Variants in PDE8B observed in about 807,000 individuals in gnomAD.
PDE8B encodes high affinity cAMP-specific and IBMX-insensitive 3',5'-cyclic phosphodiesterase 8B.
A neutral mutation model predicts 101.3 loss-of-function variants in PDE8B; 26 were observed. The ratio of observed to expected loss-of-function variants is 0.26; its 90% CI spans 0.19 to 0.36. The LOEUF (loss-of-function observed/expected upper bound fraction) is 0.36. Ranked by LOEUF, PDE8B falls within the 10% of genes least tolerant of loss-of-function variation. The pLI is 1.00. For missense variants in PDE8B, 810 were observed against 1,163.1 expected (o/e 0.70, Z 4.42); for synonymous variants, 424 against 429.3 (o/e 0.99, Z 0.15).
At chr5:77,384,261 T>A (rs1420267868) in intron 10 of PDE8B, among the ~76,000 whole-genome samples, 1 of 152,220 alleles carries the variant, frequency 6.6e-6, no homozygotes, top group Non-Finnish European at 1.5e-5. Flanking sequence ...GAATGGGAGT[T>A]CACTCATGAT....
At position 77,367,533 on chromosome 5, in the gene PDE8B, T is replaced by C. The variant is rs1318001268; in HGVS notation, c.1167+14127T>C. ...GGAGTTCCTTCTCTTTTTCTCTCTTTTTTTTTTTTTTTTTTTTTGACAGAG... is the reference window on the plus strand; with the variant it reads ...GGAGTTCCTTCTCTTTTTCTCTCTTCTTTTTTTTTTTTTTTTTTGACAGAG... On this transcript the variant is annotated intron_variant, in intron 10 of 21. Transcript: ENST00000264917. Among the ~76,000 whole-genome samples the C allele has an allele frequency of 1.6e-3, 89 of 57,384 alleles. 1 individual carries two copies. Among genetic ancestry groups the C allele is most frequent in the African/African-American group, 0.012 (37 of 3,214 alleles). The allele number at this position is 57,384 out of a possible 152,430, so 37.6% of individuals were successfully genotyped here. A position where few individuals can be genotyped will look rare whatever the true frequency, so the allele number is the denominator to read the frequency against.
rs1756700526 is a variant in PDE8B at position 77,245,641 on chromosome 5, TG to T, written c.339+34378del. 2.6e-5 allele frequency among the ~76,000 whole-genome samples: 4 copies of T among 152,304 alleles called. No homozygotes were observed. The South Asian group carries it at 8.3e-4, about 32-fold the overall frequency. On this transcript the variant is annotated intron_variant, in intron 1 of 21. Coordinates refer to ENST00000264917, the MANE Select transcript of PDE8B (RefSeq NM_003719.5). ...CAGCTTGTGTGTGTGTGCACATGTG[TG>T]CATGTTCACTAAGGGCTATGCACTT...
At chr5:77,423,265 T>C (rs1430279254) in intron 20 of PDE8B, among the ~76,000 whole-genome samples, 1 of 152,226 alleles carries the variant, frequency 6.6e-6, no homozygotes, top group African/African-American at 2.4e-5. Context: ...CCACCAATGA[T>C]GGGCACCTGG....
chr5:77,201,952 C>G, the PDE8B span, among the ~76,000 whole-genome samples: 1 of 152,174 alleles, frequency 6.6e-6, no homozygotes, highest in African/African-American at 2.4e-5. Flanking sequence ...GCAGGTGGTG[C>G]ATTCTCTCTG....
intron 10 of PDE8B, among the ~76,000 whole-genome samples, chr5:77,364,341 A>G (rs1316656552): frequency 6.6e-6 from 1 of 152,170 alleles, no homozygotes; most frequent in East Asian, 1.9e-4. Context: ...TATTTCTAAC[A>G]TGGTCAAAGC....
At chr5:77,184,190 T>G in the PDE8B span, among the ~76,000 whole-genome samples, 1 of 152,146 alleles carries the variant, frequency 6.6e-6, no homozygotes, top group Non-Finnish European at 1.5e-5. Flanking sequence ...GGTCTCAAAC[T>G]CCTAAGTTCA....
rs765674031 is a variant in PDE8B at position 77,425,748 on chromosome 5, T to C, written c.2419-19T>C. 1.9e-6 allele frequency: 3 copies of C among 1,612,886 alleles called. No individual in the cohort carries two copies. Among genetic ancestry groups the C allele is most frequent in the Non-Finnish European group, 2.5e-6 (3 of 1,178,964 alleles). ...GTCTCGCATGTCCTCCAGCCCTATGTGGTGGTTTTTTCTTACAGACTGATG... is the reference window on the plus strand; with the variant it reads ...GTCTCGCATGTCCTCCAGCCCTATGCGGTGGTTTTTTCTTACAGACTGATG... On this transcript the variant is annotated intron_variant, in intron 20 of 21. Coordinates refer to ENST00000264917, the MANE Select transcript of PDE8B (RefSeq NM_003719.5).
chr5:77,413,302 G>A lies in PDE8B; in HGVS notation c.1904G>A (p.Arg635Lys). 6.2e-7 allele frequency: 1 copy of A among 1,613,454 alleles called. No homozygotes were observed. The highest frequency in any genetic ancestry group is 8.5e-7 in the Non-Finnish European group (1 of 1,179,546). ...ACCGCTTTCTTTCTTGGAAAGGAAA[G>A]AGTAAAGGTAGGATTTTGATATCAT... ...HATAFFLGKE[R>K]VKGSLDQLDE... The change falls in exon 17 of 22, where the codon AGA (arginine) becomes AAA (lysine). Residue 635 changes from arginine to lysine, a missense_variant. By Grantham distance (26) the Arg-to-Lys change is conservative (BLOSUM62 2). Coordinates refer to ENST00000264917, the MANE Select transcript of PDE8B (RefSeq NM_003719.5).
the PDE8B span, chr5:77,087,157 C>G: frequency 6.6e-6 from 1 of 152,468 alleles, no homozygotes; most frequent in African/African-American, 2.4e-5. Flanking sequence ...GGTCGGGAGT[C>G]CGAGATGGTA....
At chr5:77,340,594 C>A (rs1236880626) in intron 6 of PDE8B, among the ~76,000 whole-genome samples, 1 of 125,946 alleles carries the variant, frequency 7.9e-6, no homozygotes, top group Non-Finnish European at 1.7e-5. Flanking sequence ...TTCCAGGCAG[C>A]CTCACAGTGT....
Position 77,211,117 on chromosome 5 carries a change from A to C in PDE8B, c.192A>C (p.Val64=). 1 of 1,504,174 alleles carries C rather than the reference A, an allele frequency of 6.6e-7. No homozygotes were observed. Among genetic ancestry groups the C allele is most frequent in the Admixed American group, 2.1e-5 (1 of 47,738 alleles). 93.2% of individuals were successfully genotyped at this position (1,504,174 alleles called of 1,614,324 possible). A position where few individuals can be genotyped will look rare whatever the true frequency, so the allele number is the denominator to read the frequency against. ...PPSRASGPPS[V]ARVRRARTEL... The stretch of plus-strand genomic sequence containing the variant: ...GCCGCGCGTCGGGACCCCCCAGCGT[A>C]GCCCGCGTCCGCAGGGCCCGCACCG... Residue 64 remains valine (V), a synonymous_variant, in exon 1 of 22, where the codon GTA becomes GTC. Transcript: ENST00000264917. This position sits in a 1 kb window ranked among gnomAD's most constrained non-coding sequence, Gnocchi z 4.1.
the PDE8B span, among the ~76,000 whole-genome samples, chr5:77,134,916 A>C: frequency 1.3e-5 from 2 of 152,198 alleles, no homozygotes; most frequent in East Asian, 3.8e-4. Context: ...CTATGGAGGA[A>C]AAGAAATGGA....
At chr5:77,426,151 C>A in intron 21 of PDE8B, 1 of 592,408 alleles carries the variant, frequency 1.7e-6, no homozygotes, top group Non-Finnish European at 3.0e-6. Context: ...GACACGCTGC[C>A]AAAGCTTACT....
At chr5:77,361,849 C>G (rs76630920) in intron 10 of PDE8B, among the ~76,000 whole-genome samples, 18,739 of 152,058 alleles carry the variant, frequency 0.12, 1,323 homozygotes, top group East Asian at 0.26. Flanking sequence ...AAAATATCAA[C>G]TAACATTTAT....
At chr5:77,358,731 T>C (rs184379924) in intron 10 of PDE8B, among the ~76,000 whole-genome samples, 1 of 152,340 alleles carries the variant, frequency 6.6e-6, no homozygotes, top group African/African-American at 2.4e-5. Context: ...AAGTGTGACT[T>C]CTTTTTTTAA....
intron 1 of PDE8B, chr5:77,290,453 A>C: frequency 6.9e-7 from 1 of 1,456,580 alleles, no homozygotes; most frequent in East Asian, 2.3e-5. Context: ...ACTATGAAGA[A>C]ACTGTAAAGA....
intron 1 of PDE8B, among the ~76,000 whole-genome samples, chr5:77,261,052 A>G (rs1210834874): frequency 6.6e-6 from 1 of 152,244 alleles, no homozygotes; most frequent in Non-Finnish European, 1.5e-5. Context: ...GAGACTGTGC[A>G]TAAAGTCTGC....
chr5:77,385,461 C>T lies in PDE8B; in HGVS notation c.1168-14787C>T, dbSNP rs571239898. On this transcript the variant is annotated intron_variant, in intron 10 of 21. Transcript: ENST00000264917. ...TTTTTTTTTCTTTTTAAGGGTTTTT[C>T]GTGTTTCTATCTTCTTCAATTCTGC... 1.9e-4 allele frequency among the ~76,000 whole-genome samples: 27 copies of T among 145,838 alleles called. No individual in the cohort carries two copies. The South Asian group carries it at 4.3e-3, about 23-fold the overall frequency.
At chr5:77,227,260 G>A (rs577229659) in intron 1 of PDE8B, among the ~76,000 whole-genome samples, 51 of 152,202 alleles carry the variant, frequency 3.4e-4, no homozygotes, top group African/African-American at 1.1e-3. Flanking sequence ...TGATCCTGTA[G>A]TGCTTTCTTA....
Sources: allele counts gnomAD v4.1 joint callset (sites outside exome capture counted in the v4.1 genomes callset), GRCh38; gene constraint gnomAD v4.1.1; non-coding constraint Gnocchi (gnomAD v3.1); transcripts MANE v1.5; gene names NCBI Gene and HGNC (gene_info 2026-07-23, HGNC 2026-07-21).